BMAL1: variants seen among roughly 807,000 people sequenced by gnomAD.
BMAL1 encodes basic helix-loop-helix ARNT-like protein 1.
At chr11:13,297,162 C>G in the BMAL1 span, among the ~76,000 whole-genome samples, 1 of 152,182 alleles carries the variant, frequency 6.6e-6, no homozygotes, top group East Asian at 1.9e-4. Context: ...GAATGGCTCC[C>G]CTCTCTGGCT....
chr11:13,361,617 G>A, the BMAL1 span, among the ~76,000 whole-genome samples: 58 of 152,134 alleles, frequency 3.8e-4, no homozygotes, highest in African/African-American at 1.3e-3. Flanking sequence ...TCCTCATGAC[G>A]TGCTATCTCA....
chr11:13,322,048 G>A, the BMAL1 span, among the ~76,000 whole-genome samples: 2 of 152,184 alleles, frequency 1.3e-5, no homozygotes, highest in African/African-American at 4.8e-5. Flanking sequence ...GGATCTCAGC[G>A]TTGGTGTTGG....
the BMAL1 span, among the ~76,000 whole-genome samples, chr11:13,295,451 T>G: frequency 1.3e-5 from 2 of 152,140 alleles, no homozygotes; most frequent in Non-Finnish European, 2.9e-5. Context: ...GGGCCAGAGT[T>G]GGGATAGGAA....
At chr11:13,383,893 G>A in the BMAL1 span, among the ~76,000 whole-genome samples, 7 of 151,748 alleles carry the variant, frequency 4.6e-5, no homozygotes, top group East Asian at 1.2e-3. Flanking sequence ...AGGGAGGGAG[G>A]GAAAATGTCC....
chr11:13,322,778 CTTTTTTTTTTTTT>C, the BMAL1 span, among the ~76,000 whole-genome samples: 8 of 50,332 alleles, frequency 1.6e-4, no homozygotes, highest in Non-Finnish European at 2.5e-4. Flanking sequence ...GTGAGCAAGT[CTTTTTTTTTTTTT>C]TTTTTTTTTT....
chr11:13,362,762 T>A, the BMAL1 span, among the ~76,000 whole-genome samples: 1 of 152,186 alleles, frequency 6.6e-6, no homozygotes, highest in African/African-American at 2.4e-5. Flanking sequence ...TCTCGAGAGC[T>A]GCCGTCGGTG....
At chr11:13,377,781 T>A in the BMAL1 span, among the ~76,000 whole-genome samples, 1 of 152,184 alleles carries the variant, frequency 6.6e-6, no homozygotes, top group African/African-American at 2.4e-5. Flanking sequence ...GTCTCCCAAG[T>A]TTTAACCTGC....
chr11:13,351,065 G>A, the BMAL1 span, among the ~76,000 whole-genome samples: 1 of 152,144 alleles, frequency 6.6e-6, no homozygotes, highest in Non-Finnish European at 1.5e-5. Flanking sequence ...AGTGACTATG[G>A]TAGATTATTG....
chr11:13,383,849 CAAGGAGGG>C, the BMAL1 span, among the ~76,000 whole-genome samples: 10 of 152,020 alleles, frequency 6.6e-5, 3 homozygotes, highest in African/African-American at 2.2e-4. Flanking sequence ...GAGACCCTAT[CAAGGAGGG>C]AAGGAGGAAA....
the BMAL1 span, among the ~76,000 whole-genome samples, chr11:13,343,948 T>A: frequency 6.6e-6 from 1 of 152,172 alleles, no homozygotes; most frequent in Non-Finnish European, 1.5e-5. Context: ...TCTCCTTGAT[T>A]GATGTTTAAT....
chr11:13,307,877 C>T, the BMAL1 span, among the ~76,000 whole-genome samples: 1 of 152,286 alleles, frequency 6.6e-6, no homozygotes, highest in East Asian at 1.9e-4. Flanking sequence ...CACATTCGTC[C>T]TTTTGGCATC....
At chr11:13,347,104 C>T in the BMAL1 span, among the ~76,000 whole-genome samples, 1 of 152,142 alleles carries the variant, frequency 6.6e-6, no homozygotes, top group East Asian at 1.9e-4. Flanking sequence ...ATAAGAGAGG[C>T]TTTTGAGGCT....
At chr11:13,386,626 T>C in the BMAL1 span, 4 of 1,614,100 alleles carry the variant, frequency 2.5e-6, no homozygotes, top group Admixed American at 3.3e-5. Context: ...ATAGACATGA[T>C]TGACAACGAC....
chr11:13,386,784 A>G, the BMAL1 span: 117 of 1,609,514 alleles, frequency 7.3e-5, 2 homozygotes, highest in Middle Eastern at 1.2e-3. Context: ...GGCAACAGCT[A>G]TAGTATCAAA....
the BMAL1 span, among the ~76,000 whole-genome samples, chr11:13,321,838 A>C: frequency 7.2e-5 from 11 of 152,180 alleles, no homozygotes; most frequent in Non-Finnish European, 1.6e-4. Context: ...GAAAGAATAC[A>C]CAGTGCCCTG....
At chr11:13,283,447 C>T in the BMAL1 span, among the ~76,000 whole-genome samples, 1 of 152,248 alleles carries the variant, frequency 6.6e-6, no homozygotes, top group South Asian at 2.1e-4. Flanking sequence ...ATAACAACTA[C>T]ATGAGGCAGG....
chr11:13,371,804 T>C, the BMAL1 span, among the ~76,000 whole-genome samples: 1 of 152,204 alleles, frequency 6.6e-6, no homozygotes, highest in Non-Finnish European at 1.5e-5. Context: ...TGTGCCTGTG[T>C]ACGTCATCAG....
the BMAL1 span, chr11:13,354,199 G>GC: frequency 1.4e-5 from 2 of 139,736 alleles, no homozygotes; most frequent in Non-Finnish European, 2.9e-5. Flanking sequence ...CTCCCCCCCC[G>GC]GCCCCCCACC....
At chr11:13,335,114 G>T in the BMAL1 span, among the ~76,000 whole-genome samples, 8 of 152,142 alleles carry the variant, frequency 5.3e-5, no homozygotes, top group South Asian at 2.1e-4. Flanking sequence ...CAAAAATAGG[G>T]CTATGAGAGT....
Sources: gnomAD v4.1 joint callset for allele counts (sites outside exome capture counted in the v4.1 genomes callset) on GRCh38, gnomAD v4.1.1 for gene constraint, MANE v1.5 for transcripts, NCBI Gene and HGNC (gene_info 2026-07-23, HGNC 2026-07-21) for gene names.